The following GPC5 variants were observed in gnomAD, a reference collection of about 807,000 sequenced individuals.
The protein encoded by GPC5 is glypican-5.
GPC5 carries 47 observed loss-of-function variants against 53.9 expected under a neutral mutation model. The observed-to-expected ratio is 0.87, with a 90% confidence interval of 0.69 to 1.11. The LOEUF (loss-of-function observed/expected upper bound fraction) is 1.11. GPC5 is among the 50% of genes most tolerant of loss of function. The probability of loss-of-function intolerance (pLI) is 0.00; values close to 1 mark genes in which losing one functional copy is unlikely to be tolerated. For missense variants in GPC5, 748 were observed against 713.1 expected (o/e 1.05, Z -0.56); for synonymous variants, 286 against 263.3 (o/e 1.09, Z -0.84).
chr13:92,800,832 G>C (rs1024611414), intron 7 of GPC5, among the ~76,000 whole-genome samples: 1 of 151,716 alleles, frequency 6.6e-6, no homozygotes, highest in Non-Finnish European at 1.5e-5. Context: ...TTGTTACCTT[G>C]ACGGAAAGTT....
intron 7 of GPC5, among the ~76,000 whole-genome samples, chr13:92,266,563 T>A (rs1304721147): frequency 1.3e-5 from 2 of 152,130 alleles, no homozygotes; most frequent in Non-Finnish European, 2.9e-5. Flanking sequence ...GCCAGTCTAT[T>A]TGCTGTTACG....
In GPC5 at chr13:92,627,536, C is replaced by A. The variant is rs140365672; in HGVS notation, c.1562-238746C>A. Among the ~76,000 whole-genome samples the A allele has an allele frequency of 7.2e-3, 1,097 of 152,252 alleles. 9 individuals are homozygous for A. The highest frequency in any genetic ancestry group is 8.4e-3 in the Non-Finnish European group (569 of 68,028). On this transcript the variant is annotated intron_variant, in intron 7 of 7. Transcript: ENST00000377067. Reference sequence around the variant, plus strand: ...GAACTTCTAAAATATGCACTAATATCTACTGTTGCTGTACTACAACATATT... The same window carrying A: ...GAACTTCTAAAATATGCACTAATATATACTGTTGCTGTACTACAACATATT...
intron 5 of GPC5, among the ~76,000 whole-genome samples, chr13:91,885,695 G>A (rs1017892005): frequency 1.3e-5 from 2 of 152,120 alleles, no homozygotes; most frequent in Non-Finnish European, 2.9e-5. Context: ...GGATTTCCCT[G>A]TGGATGGCAA....
chr13:91,832,911 A>T (rs1316470125), intron 5 of GPC5, among the ~76,000 whole-genome samples: 1 of 152,146 alleles, frequency 6.6e-6, no homozygotes, highest in Non-Finnish European at 1.5e-5. Flanking sequence ...ACTGAAGGAG[A>T]TAGAGACACG....
At chr13:91,873,122 T>C (rs895687975) in intron 5 of GPC5, among the ~76,000 whole-genome samples, 7 of 152,236 alleles carry the variant, frequency 4.6e-5, no homozygotes, top group African/African-American at 1.4e-4. Context: ...GAAAATGATA[T>C]GCAATTGCCA....
intron 7 of GPC5, among the ~76,000 whole-genome samples, chr13:92,335,700 C>T (rs1245042321): frequency 6.6e-6 from 1 of 152,074 alleles, no homozygotes; most frequent in African/African-American, 2.4e-5. Flanking sequence ...TTTAAAGTTC[C>T]AAAGATCTCT....
chr13:92,859,424 G>A (rs1194618484), intron 7 of GPC5, among the ~76,000 whole-genome samples: 2 of 151,676 alleles, frequency 1.3e-5, no homozygotes, highest in Non-Finnish European at 2.9e-5. Flanking sequence ...ACCATATGTC[G>A]AGACATAGAT....
chr13:92,627,849 G>A (rs1033972930), intron 7 of GPC5, among the ~76,000 whole-genome samples: 1 of 152,076 alleles, frequency 6.6e-6, no homozygotes, highest in Admixed American at 6.6e-5. Flanking sequence ...CCCTCCTACA[G>A]CCTGTCCAAA....
At chr13:92,329,826 G>C (rs999500893) in intron 7 of GPC5, among the ~76,000 whole-genome samples, 1 of 152,078 alleles carries the variant, frequency 6.6e-6, no homozygotes, top group African/African-American at 2.4e-5. Context: ...GGCTTACCAG[G>C]CTGTAATCAA....
chr13:92,767,942 A>G (rs1250768817), intron 7 of GPC5, among the ~76,000 whole-genome samples: 1 of 152,122 alleles, frequency 6.6e-6, no homozygotes, highest in Non-Finnish European at 1.5e-5. Context: ...TTTTGTGTAT[A>G]TCGTTTTGCC....
At chr13:91,887,743 C>G (rs1165322252) in intron 5 of GPC5, among the ~76,000 whole-genome samples, 10 of 152,166 alleles carry the variant, frequency 6.6e-5, no homozygotes, top group Non-Finnish European at 8.8e-5. Flanking sequence ...CCAACAAGCT[C>G]CTCATCTCCA....
intron 6 of GPC5, among the ~76,000 whole-genome samples, chr13:92,023,357 A>G (rs935313511): frequency 6.6e-6 from 1 of 152,206 alleles, no homozygotes; most frequent in South Asian, 2.1e-4. Flanking sequence ...TTCATACTAC[A>G]TGTACCTTTC....
chr13:92,361,367 A>G (rs1322275919), intron 7 of GPC5, among the ~76,000 whole-genome samples: 1 of 151,638 alleles, frequency 6.6e-6, no homozygotes, highest in African/African-American at 2.4e-5. Flanking sequence ...CCGGTCATTT[A>G]GCTTGTCACT....
Position 92,410,457 on chromosome 13 carries a change from A to T in GPC5, c.1561+265468A>T, listed in dbSNP as rs577171742. 2.2e-3 allele frequency among the ~76,000 whole-genome samples: 337 copies of T among 152,310 alleles called. 1 individual carries two copies. Among genetic ancestry groups the T allele is most frequent in the African/African-American group, 7.8e-3 (325 of 41,558 alleles). The stretch of plus-strand genomic sequence containing the variant: ...TTTTATCCTGTTCACTCATTTGAGG[A>T]CAACTGTACTACCAGAAAGGGAACT... On this transcript the variant is annotated intron_variant, in intron 7 of 7. Coordinates refer to ENST00000377067, the MANE Select transcript of GPC5 (RefSeq NM_004466.6).
chr13:92,825,675 T>A (rs1877823059), intron 7 of GPC5, among the ~76,000 whole-genome samples: 1 of 152,168 alleles, frequency 6.6e-6, no homozygotes, highest in Non-Finnish European at 1.5e-5. Context: ...TATGACTTAT[T>A]TAATTCATTA....
chr13:92,509,575 A>G (rs1243579708), intron 7 of GPC5: 1 of 152,210 alleles, frequency 6.6e-6, no homozygotes, highest in Non-Finnish European at 1.5e-5. Flanking sequence ...TGGAAAGCAG[A>G]TAAAGATGTG....
At chr13:91,473,038 A>G (rs9589243) in intron 2 of GPC5, among the ~76,000 whole-genome samples, 2,241 of 152,242 alleles carry the variant, frequency 0.015, 55 homozygotes, top group African/African-American at 0.047. Context: ...GGCCTCAGGA[A>G]ACTTACGATC....
At chr13:92,517,144 A>G (rs564312042) in intron 7 of GPC5, among the ~76,000 whole-genome samples, 54 of 152,206 alleles carry the variant, frequency 3.5e-4, no homozygotes, top group African/African-American at 1.3e-3. Flanking sequence ...GGCTCCCACC[A>G]TTCCTGAGGC....
intron 6 of GPC5, among the ~76,000 whole-genome samples, chr13:92,043,931 G>A (rs2040961340): frequency 6.6e-6 from 1 of 152,150 alleles, no homozygotes; most frequent in Non-Finnish European, 1.5e-5. Context: ...TATGCAATTT[G>A]AATCCGATAA....
Sources: allele counts gnomAD v4.1 joint callset (sites outside exome capture counted in the v4.1 genomes callset), GRCh38; gene constraint gnomAD v4.1.1; transcripts MANE v1.5; gene names NCBI Gene and HGNC (gene_info 2026-07-23, HGNC 2026-07-21).